Variants in PDE11A observed in about 807,000 individuals in gnomAD.
PDE11A encodes phosphodiesterase 11A.
In PDE11A, 100 loss-of-function variants were observed where a neutral mutation model predicts 100.5. That is an observed-to-expected ratio of 1.00 (90% CI 0.85 to 1.18). PDE11A has a LOEUF of 1.18. Among genes scored for constraint, PDE11A ranks in the 50% most tolerant of loss-of-function variants. The pLI, the probability that PDE11A is intolerant of heterozygous loss-of-function variation, is 0.00. For synonymous variants in PDE11A, 381 were observed against 420.8 expected (o/e 0.91, Z 1.16); for missense variants, 1,141 against 1,152.6 (o/e 0.99, Z 0.15).
chr2:177,946,262 C>G, intron 2 of PDE11A, among the ~76,000 whole-genome samples: 1 of 144,336 alleles, frequency 6.9e-6, no homozygotes, highest in Admixed American at 6.7e-5. Context: ...GCCAGCCGCC[C>G]CGTCCGGGAG....
chr2:177,968,309 G>A (rs976287515), intron 2 of PDE11A, among the ~76,000 whole-genome samples: 2 of 152,060 alleles, frequency 1.3e-5, no homozygotes, highest in Non-Finnish European at 1.5e-5. Context: ...TCTTCCCTGT[G>A]GTTCTCAAAG....
intron 9 of PDE11A, among the ~76,000 whole-genome samples, chr2:177,783,637 A>G (rs1361525891): frequency 1.3e-5 from 2 of 152,216 alleles, no homozygotes; most frequent in Non-Finnish European, 2.9e-5. Flanking sequence ...AAGATGCTTT[A>G]AGTCTAACAT....
rs1468696313 is a variant in PDE11A at position 177,898,173 on chromosome 2, A to G, written c.1187T>C (p.Leu396Pro). The G allele has an allele frequency of 6.2e-7, 1 of 1,608,662 alleles. No homozygotes were observed. The highest frequency in any genetic ancestry group is 8.5e-7 in the Non-Finnish European group (1 of 1,175,124). Residue 396 changes from leucine (L) to proline (P), a missense_variant, in exon 4 of 20, where the codon CTC becomes CCC. Coordinates refer to ENST00000286063, the MANE Select transcript of PDE11A (RefSeq NM_016953.4). ...SRALLEVVNDLFEEQTDLEKI... is the reference protein window; with the variant it reads ...SRALLEVVNDPFEEQTDLEKI... ...CTCCAGGTCAGTCTGTTCTTCAAAG[A>G]GGTCATTAACCACCTCTAGCAAAGC...
intron 5 of PDE11A, among the ~76,000 whole-genome samples, chr2:177,869,202 A>C (rs2084082532): frequency 6.6e-6 from 1 of 152,222 alleles, no homozygotes; most frequent in South Asian, 2.1e-4. Flanking sequence ...GCTTAAAACA[A>C]CACCTATTTA....
chr2:177,965,194 CTGCTCATTTTTTAA>C, intron 2 of PDE11A, among the ~76,000 whole-genome samples: 1 of 152,072 alleles, frequency 6.6e-6, no homozygotes, highest in Non-Finnish European at 1.5e-5. Context: ...TTCATCTCCT[CTGCTCATTTTTTAA>C]TGGCATTGTT....
intron 2 of PDE11A, among the ~76,000 whole-genome samples, chr2:178,091,925 T>C (rs2087428630): frequency 1.3e-5 from 2 of 152,202 alleles, no homozygotes; most frequent in African/African-American, 2.4e-5. Context: ...TTACATGTTA[T>C]ATGATACAAA....
intron 2 of PDE11A, among the ~76,000 whole-genome samples, chr2:177,995,971 A>C (rs1239075409): frequency 6.6e-6 from 1 of 152,206 alleles, no homozygotes. Context: ...TCAAGCCTGT[A>C]ATCCCAGCAC....
At chr2:177,779,838 T>C (rs2082427601) in intron 9 of PDE11A, among the ~76,000 whole-genome samples, 1 of 152,256 alleles carries the variant, frequency 6.6e-6, no homozygotes, top group Non-Finnish European at 1.5e-5. Context: ...ATCATAAATG[T>C]TCTTAATGGC....
intron 2 of PDE11A, among the ~76,000 whole-genome samples, chr2:177,987,268 G>C (rs2085951923): frequency 6.6e-6 from 1 of 152,106 alleles, no homozygotes; most frequent in Admixed American, 6.5e-5. Context: ...AGAACCAAAG[G>C]CCTCAATTAC....
chr2:178,073,082 G>A, upstream of PDE11A: 1 of 985,366 alleles, frequency 1.0e-6, no homozygotes, highest in Non-Finnish European at 1.2e-6. Flanking sequence ...AGCGTTTCGA[G>A]GAGGCCCAGC....
At chr2:177,829,558 C>T (rs2083278241) in intron 6 of PDE11A, among the ~76,000 whole-genome samples, 2 of 151,880 alleles carry the variant, frequency 1.3e-5, no homozygotes, top group South Asian at 4.2e-4. Context: ...ATTCTCCTGC[C>T]TCAGCCTCCT....
At chr2:177,776,759 C>T (rs1217533867) in intron 9 of PDE11A, among the ~76,000 whole-genome samples, 1 of 152,066 alleles carries the variant, frequency 6.6e-6, no homozygotes, top group Non-Finnish European at 1.5e-5. Flanking sequence ...GAGAAGGTGG[C>T]CATCTGCAAG....
At chr2:177,893,194 T>A (rs141048214) in intron 4 of PDE11A, among the ~76,000 whole-genome samples, 1 of 152,188 alleles carries the variant, frequency 6.6e-6, no homozygotes, top group Non-Finnish European at 1.5e-5. Flanking sequence ...CATTCTACTG[T>A]TTTGTTCATA....
At chr2:177,984,859 C>T (rs774463173) in intron 2 of PDE11A, among the ~76,000 whole-genome samples, 9 of 152,192 alleles carry the variant, frequency 5.9e-5, no homozygotes, top group Non-Finnish European at 1.0e-4. Context: ...GCTCCCAGCT[C>T]GCCTTGTAGA....
intron 2 of PDE11A, among the ~76,000 whole-genome samples, chr2:177,929,289 G>A (rs1574286434): frequency 6.6e-6 from 1 of 152,144 alleles, no homozygotes; most frequent in African/African-American, 2.4e-5. Context: ...CACTCTCTGG[G>A]GTTTAGAGAC....
At chr2:177,897,059 G>T (rs1199205421) in intron 4 of PDE11A, among the ~76,000 whole-genome samples, 5 of 151,996 alleles carry the variant, frequency 3.3e-5, no homozygotes, top group African/African-American at 4.8e-5. Flanking sequence ...TTACCCTAAG[G>T]TTCCTATTCT....
chr2:177,853,676 ATATATGTGTGTG>A (rs2083765057), intron 5 of PDE11A, among the ~76,000 whole-genome samples: 2 of 36,220 alleles, frequency 5.5e-5, no homozygotes, highest in Middle Eastern at 0.014. Flanking sequence ...ATATATATAT[ATATATGTGTGTG>A]TGTGTGTGTG....
At chr2:178,008,292 A>G (rs1267552064) in intron 2 of PDE11A, among the ~76,000 whole-genome samples, 1 of 152,234 alleles carries the variant, frequency 6.6e-6, no homozygotes, top group Non-Finnish European at 1.5e-5. Context: ...TATTCATAAG[A>G]TGACAGAAGA....
intron 2 of PDE11A, among the ~76,000 whole-genome samples, chr2:177,923,035 CT>C (rs2085075740): frequency 7.9e-5 from 12 of 152,180 alleles, no homozygotes; most frequent in Admixed American, 7.9e-4. Context: ...ACCATTGTCT[CT>C]CTGCATTCTC....
Sources: gnomAD v4.1 joint callset for allele counts (sites outside exome capture counted in the v4.1 genomes callset) on GRCh38, gnomAD v4.1.1 for gene constraint, MANE v1.5 for transcripts, NCBI Gene and HGNC (gene_info 2026-07-23, HGNC 2026-07-21) for gene names.